The following USP37 variants were observed in gnomAD, a reference collection of about 807,000 sequenced individuals.
USP37 encodes ubiquitin specific peptidase 37.
Under a neutral mutation model 124.0 loss-of-function variants are expected in USP37, and 27 were observed. That is an observed-to-expected ratio of 0.22 (90% confidence interval 0.16 to 0.30). The LOEUF is 0.30. Ranked by LOEUF, USP37 falls within the 10% of genes least tolerant of loss-of-function variation. The probability of loss-of-function intolerance (pLI) is 1.00; values close to 1 mark genes in which losing one functional copy is unlikely to be tolerated. For missense variants in USP37, 889 were observed against 1,140.4 expected (o/e 0.78, Z 3.17); for synonymous variants, 365 against 388.0 (o/e 0.94, Z 0.70).
At chr2:218,564,070 C>T in intron 1 of USP37, among the ~76,000 whole-genome samples, 1 of 151,772 alleles carries the variant, frequency 6.6e-6, no homozygotes, top group East Asian at 1.9e-4. Flanking sequence ...GACTCCGTCT[C>T]AAAAGAAAGA....
intron 11 of USP37, among the ~76,000 whole-genome samples, chr2:218,503,506 A>G (rs34735636): frequency 0.057 from 8,636 of 152,284 alleles, 362 homozygotes; most frequent in East Asian, 0.12. Context: ...ACCTGAGGTC[A>G]GGAGTTCGAG....
intron 11 of USP37, among the ~76,000 whole-genome samples, chr2:218,506,997 C>T (rs1012958029): frequency 1.3e-5 from 2 of 151,884 alleles, no homozygotes; most frequent in African/African-American, 4.8e-5. Context: ...CAGGGTTCAT[C>T]ATGTTGGCCA....
At chr2:218,474,008 T>C (rs559614719) in intron 20 of USP37, among the ~76,000 whole-genome samples, 1 of 152,330 alleles carries the variant, frequency 6.6e-6, no homozygotes, top group East Asian at 1.9e-4. Context: ...TAAGTAGTTG[T>C]GTATCTAAAT....
chr2:218,549,909 G>A lies in USP37; in HGVS notation c.329C>T (p.Ala110Val), dbSNP rs1241386956. ...DAVHQNRLPA[A>V]MKPSQGSGSF... ...ACCAGACCCCTGAGACGGTTTCATGGCTGGTGACCAAAAATATAATTTTTT... is the reference window on the plus strand; with the variant it reads ...ACCAGACCCCTGAGACGGTTTCATGACTGGTGACCAAAAATATAATTTTTT... Residue 110 changes from alanine (A) to valine (V), a missense_variant and splice_region_variant, in exon 6 of 26, where the codon GCC becomes GTC. Transcript: ENST00000258399. The A allele has an allele frequency of 6.3e-7, 1 of 1,587,254 alleles. No homozygotes were observed.
intron 4 of USP37, among the ~76,000 whole-genome samples, chr2:218,554,718 G>A (rs901251972): frequency 6.7e-6 from 1 of 148,752 alleles, no homozygotes; most frequent in Non-Finnish European, 1.5e-5. Flanking sequence ...CTGCACTCCA[G>A]CCTGGATGAC....
chr2:218,502,173 CA>C (rs917912821), intron 11 of USP37, among the ~76,000 whole-genome samples: 1 of 151,964 alleles, frequency 6.6e-6, no homozygotes, highest in African/African-American at 2.4e-5. Context: ...TCAAAACAAT[CA>C]AAACTACTGC....
intron 1 of USP37, 123 bp from the exon 2 acceptor site, chr2:218,562,936 G>T: frequency 2.7e-6 from 1 of 375,708 alleles, no homozygotes; most frequent in South Asian, 1.5e-4. Context: ...GGTGGAGGCG[G>T]GCAGATAACC....
chr2:218,459,218 C>T (rs1030438796), intron 23 of USP37, among the ~76,000 whole-genome samples: 3 of 151,940 alleles, frequency 2.0e-5, no homozygotes, highest in South Asian at 2.1e-4. Flanking sequence ...TTTTTCCCCC[C>T]GAGATGGAGT....
At chr2:218,527,708 A>C (rs1016228553) in intron 10 of USP37, among the ~76,000 whole-genome samples, 2 of 152,232 alleles carry the variant, frequency 1.3e-5, no homozygotes, top group Admixed American at 6.5e-5. Context: ...ACTTAGATTT[A>C]AGATTCTTCT....
chr2:218,474,449 C>T (rs1203248706), intron 20 of USP37, among the ~76,000 whole-genome samples, 181 bp downstream of exon 20: 1 of 152,136 alleles, frequency 6.6e-6, no homozygotes, highest in Non-Finnish European at 1.5e-5. Flanking sequence ...GCAACCTCCG[C>T]CTCCCGGTTC....
In USP37 at chr2:218,466,192, A is replaced by G. The variant is rs773972356; in HGVS notation, c.2300-16T>C. On this transcript the variant is annotated splice_polypyrimidine_tract_variant and intron_variant, in intron 20 of 25. Transcript: ENST00000258399. The stretch of plus-strand genomic sequence containing the variant: ...CTGGCAGGATCTGAGGAAGCAGAAC[A>G]TAACATTAATTTGGAAAATCCTAAT... 9 of 1,578,194 alleles carry G rather than the reference A, an allele frequency of 5.7e-6. No homozygotes were observed. In the African/African-American group the frequency reaches 6.9e-5, roughly 12 times the overall value.
chr2:218,501,414 T>C (rs1689381215), intron 11 of USP37, among the ~76,000 whole-genome samples: 2 of 152,084 alleles, frequency 1.3e-5, no homozygotes, highest in Admixed American at 1.3e-4. Flanking sequence ...GATGTCAATT[T>C]TGAGTACCTG....
intron 8 of USP37, among the ~76,000 whole-genome samples, chr2:218,544,406 A>AAATATAT (rs1312705279): frequency 2.4e-5 from 2 of 82,996 alleles, no homozygotes; most frequent in African/African-American, 6.9e-5. Flanking sequence ...AAAAAAAAAA[A>AAATATAT]ATATATATAT....
rs3835979 is a variant in USP37 at position 218,463,175 on chromosome 2, A to AAC, written c.2527+129_2527+130dup. The AAC allele has an allele frequency of 4.2e-3, 2,220 of 529,198 alleles. 15 individuals carry two copies. The highest frequency in any genetic ancestry group is 0.023 in the African/African-American group (1,065 of 46,852). The allele number at this position is 529,198 out of a possible 1,614,324, so 32.8% of individuals were successfully genotyped here. The stretch of plus-strand genomic sequence containing the variant: ...GAGTGAGAGGCTCTCCCCCACAATA[A>AAC]ACACACACACACACACACACACACA... On this transcript the variant is annotated intron_variant, in intron 22 of 25. Transcript: ENST00000258399.
At chr2:218,525,547 T>C (rs964397604) in intron 10 of USP37, among the ~76,000 whole-genome samples, 1 of 152,214 alleles carries the variant, frequency 6.6e-6, no homozygotes, top group Non-Finnish European at 1.5e-5. Context: ...TAGCTAGGTA[T>C]AGAAGTTTTT....
intron 16 of USP37, among the ~76,000 whole-genome samples, chr2:218,483,328 G>C (rs1691365029): frequency 2.6e-5 from 4 of 152,124 alleles, no homozygotes; most frequent in African/African-American, 9.6e-5. Flanking sequence ...ACAGGAAAAT[G>C]ATAGTCAAAA....
At chr2:218,524,509 T>G (rs982538387) in intron 10 of USP37, among the ~76,000 whole-genome samples, 4 of 152,250 alleles carry the variant, frequency 2.6e-5, no homozygotes, top group Admixed American at 2.6e-4. Flanking sequence ...ATTTCTTTTG[T>G]CCAATGTTTT....
intron 21 of USP37, among the ~76,000 whole-genome samples, chr2:218,465,504 G>T (rs1245914677): frequency 6.6e-6 from 1 of 152,168 alleles, no homozygotes; most frequent in African/African-American, 2.4e-5. Flanking sequence ...GTTTTAGCAA[G>T]CAATGAATTA....
Position 218,479,671 on chromosome 2 carries a change from G to A in USP37, c.1880C>T (p.Thr627Ile), listed in dbSNP as rs767908432. ...KASQMVNSCI[T>I]SPSTPSKKFT... ...TCACTTTGAAGGTGTAGAAGGGCTG[G>A]TGATGCAGGAATTCACCATTTGAGA... The change falls in exon 18 of 26, where the codon ACC becomes ATC. Residue 627 changes from threonine to isoleucine, a missense_variant. By Grantham distance (89) the Thr-to-Ile change is moderately conservative. This residue lies in a region of USP37 where 504 missense variants were observed against 714.3 expected (regional missense o/e 0.71). Transcript: ENST00000258399. 3.7e-6 allele frequency: 6 copies of A among 1,612,462 alleles called. No homozygotes were observed. Among genetic ancestry groups the A allele is most frequent in the Non-Finnish European group, 5.1e-6 (6 of 1,179,262 alleles).
Sources: allele counts gnomAD v4.1 joint callset (sites outside exome capture counted in the v4.1 genomes callset), GRCh38; gene constraint gnomAD v4.1.1; regional missense constraint gnomAD v4.1.1; transcripts MANE v1.5; gene names NCBI Gene and HGNC (gene_info 2026-07-23, HGNC 2026-07-21).